The following XKR7 variants were observed in gnomAD, a reference collection of about 807,000 sequenced individuals.
The protein encoded by XKR7 is XK related 7, also known as XK-related protein 7.
XKR7 carries 11 observed loss-of-function variants against 42.2 expected under a neutral mutation model. The ratio of observed to expected loss-of-function variants is 0.26; its 90% confidence interval spans 0.16 to 0.43. XKR7 has a LOEUF of 0.43. XKR7 is among the 20% of genes least tolerant of loss of function. XKR7 has a pLI of 1.00. For missense variants in XKR7, 710 were observed against 802.2 expected, an observed-to-expected ratio of 0.89 and a Z score of 1.39; for synonymous variants, 346 against 366.4, an observed-to-expected ratio of 0.94 and a Z score of 0.64.
intron 1 of XKR7, among the ~76,000 whole-genome samples, chr20:31,989,434 G>C (rs1450028582): frequency 6.6e-6 from 1 of 152,200 alleles, no homozygotes; most frequent in Non-Finnish European, 1.5e-5. Flanking sequence ...GGAAGGCTTT[G>C]AGAAGGGGAA....
intron 1 of XKR7, among the ~76,000 whole-genome samples, chr20:31,976,227 A>G (rs1341163479): frequency 2.0e-5 from 3 of 152,206 alleles, no homozygotes; most frequent in Non-Finnish European, 4.4e-5. Flanking sequence ...ATTCATAAGG[A>G]GCAAAGCTAG....
intron 1 of XKR7, among the ~76,000 whole-genome samples, chr20:31,980,888 C>T (rs934802922): frequency 5.3e-5 from 8 of 151,714 alleles, no homozygotes; most frequent in African/African-American, 1.9e-4. Flanking sequence ...GTAGAGAGAC[C>T]TTATCTCTAC....
chr20:31,995,194 C>T lies in XKR7; in HGVS notation c.711C>T (p.Phe237=). ...DVSMLRLLET[F]LRSAPQLVLQ... Reference sequence around the variant, plus strand: ...GCATGCTGCGCTTGCTGGAGACCTTCCTGCGCAGCGCGCCGCAGCTAGTGC... The same window carrying T: ...GCATGCTGCGCTTGCTGGAGACCTTTCTGCGCAGCGCGCCGCAGCTAGTGC... Residue 237 remains phenylalanine (F), a synonymous_variant, in exon 2 of 3, where the codon TTC becomes TTT. Coordinates refer to ENST00000562532, the MANE Select transcript of XKR7 (RefSeq NM_001011718.2). This position sits in a 1 kb window ranked among gnomAD's most constrained non-coding sequence, Gnocchi z 4.1. The T allele has an allele frequency of 6.5e-7, 1 of 1,548,026 alleles. No homozygotes were observed. Among genetic ancestry groups the T allele is most frequent in the East Asian group, 2.4e-5 (1 of 41,036 alleles).
At chr20:31,993,194 G>C (rs988960373) in intron 1 of XKR7, among the ~76,000 whole-genome samples, 1 of 152,120 alleles carries the variant, frequency 6.6e-6, no homozygotes, top group African/African-American at 2.4e-5. Context: ...GCAGCAAAGA[G>C]TGTGCCTGCC....
intron 1 of XKR7, among the ~76,000 whole-genome samples, chr20:31,977,997 A>G (rs778933359): frequency 2.0e-5 from 3 of 152,190 alleles, no homozygotes; most frequent in African/African-American, 4.8e-5. Context: ...ACTCGCTTCC[A>G]TGATGTTTAA....
chr20:31,972,237 C>A (rs2064468774), intron 1 of XKR7, among the ~76,000 whole-genome samples: 1 of 152,200 alleles, frequency 6.6e-6, no homozygotes, highest in Admixed American at 6.5e-5. Flanking sequence ...ACCCTCCCCC[C>A]TGGTGACTAT....
At chr20:31,969,229 G>A (rs1306691534) in intron 1 of XKR7, among the ~76,000 whole-genome samples, 2 of 152,212 alleles carry the variant, frequency 1.3e-5, no homozygotes, top group Non-Finnish European at 2.9e-5. Context: ...CCTGCAAGGA[G>A]AGTCACAGAA....
At chr20:31,982,381 G>C (rs1339732598) in intron 1 of XKR7, among the ~76,000 whole-genome samples, 1 of 152,046 alleles carries the variant, frequency 6.6e-6, no homozygotes, top group Non-Finnish European at 1.5e-5. Context: ...ATCAGCTGGG[G>C]TGTGGTGGCG....
Position 31,999,431 on chromosome 20 carries a change from C to T in XKR7, c.*1974C>T, listed in dbSNP as rs1308937964. ...CAGGCCGAGATGGTGTACGCATCAT[C>T]CCTCCTGCCAACACAGCAAGAGTGC... is the stretch of plus-strand genomic sequence containing the variant. On this transcript the variant is annotated 3_prime_UTR_variant, in exon 3 of 3. Transcript: ENST00000562532. 1 of 152,200 alleles carries T rather than the reference C, an allele frequency of 6.6e-6. No homozygotes were observed. Among genetic ancestry groups the T allele is most frequent in the African/African-American group, 2.4e-5 (1 of 41,434 alleles). 9.4% of individuals were successfully genotyped at this position (152,200 alleles called of 1,614,324 possible). A position where few individuals can be genotyped will look rare whatever the true frequency, so the allele number is the denominator to read the frequency against.
intron 1 of XKR7, among the ~76,000 whole-genome samples, chr20:31,979,329 C>T (rs2064500684): frequency 1.3e-5 from 2 of 152,210 alleles, no homozygotes; most frequent in Admixed American, 1.3e-4. Flanking sequence ...ATCCTCCCAC[C>T]TTGGCCTCCC....
At position 31,995,182 on chromosome 20, in the gene XKR7, G is replaced by A; in HGVS notation, c.699G>A (p.Leu233=). The A allele has an allele frequency of 1.3e-6, 2 of 1,549,980 alleles. No homozygotes were observed. Among genetic ancestry groups the A allele is most frequent in the Non-Finnish European group, 1.7e-6 (2 of 1,147,072 alleles). ...GCGCCGACGTGAGCATGCTGCGCTT[G>A]CTGGAGACCTTCCTGCGCAGCGCGC... ...FESADVSMLR[L]LETFLRSAPQ... Residue 233 remains leucine (L), a synonymous_variant, in exon 2 of 3, where the codon TTG becomes TTA. Coordinates refer to ENST00000562532, the MANE Select transcript of XKR7 (RefSeq NM_001011718.2). The surrounding 1 kb of genome is among the most constrained non-coding windows in gnomAD (Gnocchi z 4.1).
intron 1 of XKR7, among the ~76,000 whole-genome samples, chr20:31,975,301 C>A (rs563499485): frequency 4.6e-5 from 7 of 152,074 alleles, no homozygotes; most frequent in African/African-American, 1.7e-4. Flanking sequence ...AGTCCCTGTG[C>A]TTTAGCCTGG....
At chr20:31,981,245 C>A (rs1390576652) in intron 1 of XKR7, among the ~76,000 whole-genome samples, 1 of 151,618 alleles carries the variant, frequency 6.6e-6, no homozygotes, top group Non-Finnish European at 1.5e-5. Flanking sequence ...CAGTTGCCCA[C>A]GCCTGAAGTC....
chr20:31,989,009 C>T (rs2064555795), intron 1 of XKR7, among the ~76,000 whole-genome samples: 1 of 152,162 alleles, frequency 6.6e-6, no homozygotes, highest in Non-Finnish European at 1.5e-5. Flanking sequence ...GTGATCAAGA[C>T]AGACGAGATC....
chr20:31,990,408 A>C (rs1332884689), intron 1 of XKR7, among the ~76,000 whole-genome samples: 6 of 152,222 alleles, frequency 3.9e-5, no homozygotes, highest in Non-Finnish European at 1.5e-5. Context: ...AAGGTCACAC[A>C]GCAGGTCTGG....
intron 1 of XKR7, among the ~76,000 whole-genome samples, chr20:31,979,117 A>AGAGT (rs1233269634): frequency 2.7e-5 from 4 of 147,924 alleles, no homozygotes; most frequent in Non-Finnish European, 4.4e-5. Context: ...CCTGGGCGAC[A>AGAGT]GAGTGAGACT....
chr20:31,978,640 C>T lies in XKR7; in HGVS notation c.584+9881C>T, dbSNP rs866588137. Among the ~76,000 whole-genome samples, 41 of 152,232 alleles carry T rather than the reference C, an allele frequency of 2.7e-4. 1 individual carries two copies. The Middle Eastern group carries it at 0.01, about 38-fold the overall frequency. ...CACTATAGAGCACTTGGCATGTGGC[C>T]GGTATGACTGAGGAACTAAATTTTA... On this transcript the variant is annotated intron_variant, in intron 1 of 2. Transcript: ENST00000562532.
At chr20:31,969,426 A>G (rs1159032271) in intron 1 of XKR7, among the ~76,000 whole-genome samples, 2 of 152,200 alleles carry the variant, frequency 1.3e-5, no homozygotes, top group African/African-American at 4.8e-5. Context: ...TTAGATGGCC[A>G]CTGGCTGCCC....
chr20:31,995,243 C>G lies in XKR7; in HGVS notation c.760C>G (p.Arg254Gly). The G allele has an allele frequency of 1.3e-6, 2 of 1,539,040 alleles. No homozygotes were observed. The highest frequency in any genetic ancestry group is 2.1e-4 in the Middle Eastern group (1 of 4,712). The change falls in exon 2 of 3, where the codon CGC becomes GGC. Residue 254 changes from arginine to glycine, a missense_variant. Coordinates refer to ENST00000562532, the MANE Select transcript of XKR7 (RefSeq NM_001011718.2). This position sits in a 1 kb window ranked among gnomAD's most constrained non-coding sequence, Gnocchi z 4.1. ...LVLQLSLLVH[R>G]GGAPDLLPAL... ...GCTGCAGCTCAGCCTGCTGGTGCAC[C>G]GCGGTGGCGCGCCCGACCTGCTGCC...
Sources: allele counts gnomAD v4.1 joint callset (sites outside exome capture counted in the v4.1 genomes callset), GRCh38; gene constraint gnomAD v4.1.1; non-coding constraint Gnocchi (gnomAD v3.1); transcripts MANE v1.5; gene names NCBI Gene and HGNC (gene_info 2026-07-23, HGNC 2026-07-21).